TAFA4: variants seen among roughly 807,000 people sequenced by gnomAD.
TAFA4 encodes TAFA chemokine like family member 4, also known as chemokine-like protein TAFA-4.
In TAFA4, 20 loss-of-function variants were observed where a neutral mutation model predicts 21.1. The ratio of observed to expected loss-of-function variants is 0.95; its 90% CI spans 0.67 to 1.38. The LOEUF is 1.38. TAFA4 is among the 40% of genes most tolerant of loss of function. The pLI, the probability that TAFA4 is intolerant of heterozygous loss-of-function variation, is 0.00. For synonymous variants in TAFA4, 71 were observed against 67.4 expected (o/e 1.05, Z -0.26); for missense variants, 211 against 180.9 (o/e 1.17, Z -0.95).
chr3:68,739,464 C>G (rs921085860), intron 4 of TAFA4, among the ~76,000 whole-genome samples: 5 of 152,114 alleles, frequency 3.3e-5, no homozygotes, highest in Non-Finnish European at 5.9e-5. Context: ...TTAGTACAAC[C>G]TCTATGGAAA....
chr3:68,904,744 G>T (rs2089881900), intron 1 of TAFA4, among the ~76,000 whole-genome samples: 1 of 152,210 alleles, frequency 6.6e-6, no homozygotes, highest in South Asian at 2.1e-4. Flanking sequence ...AGGACAGGAG[G>T]TGAGGCCATT....
intron 3 of TAFA4, among the ~76,000 whole-genome samples, chr3:68,865,225 G>T (rs554906362): frequency 1.7e-4 from 26 of 152,038 alleles, no homozygotes; most frequent in African/African-American, 5.8e-4. Flanking sequence ...CAAATATTCA[G>T]CACTCAGATT....
At chr3:68,800,814 G>A (rs534716341) in intron 3 of TAFA4, among the ~76,000 whole-genome samples, 70 of 152,290 alleles carry the variant, frequency 4.6e-4, no homozygotes, top group Non-Finnish European at 7.4e-4. Flanking sequence ...AATAAGAACC[G>A]AAGCACTTGA....
intron 3 of TAFA4, among the ~76,000 whole-genome samples, chr3:68,856,775 G>A (rs571563679): frequency 3.3e-4 from 50 of 152,146 alleles, no homozygotes; most frequent in Non-Finnish European, 6.3e-4. Context: ...TCAGGGACAT[G>A]CAGGTAGGAA....
At chr3:68,849,240 A>G (rs1704884350) in intron 3 of TAFA4, among the ~76,000 whole-genome samples, 1 of 152,192 alleles carries the variant, frequency 6.6e-6, no homozygotes, top group Non-Finnish European at 1.5e-5. Flanking sequence ...AGATCGACAC[A>G]AATTCTTCTA....
intron 1 of TAFA4, among the ~76,000 whole-genome samples, chr3:68,895,725 CCAG>C (rs1462938995): frequency 6.6e-6 from 1 of 152,094 alleles, no homozygotes; most frequent in African/African-American, 2.4e-5. Flanking sequence ...ACTCTCTGTG[CCAG>C]AGCCTGTGCT....
chr3:68,931,521 C>A (rs573510389), intron 1 of TAFA4, among the ~76,000 whole-genome samples: 4 of 152,142 alleles, frequency 2.6e-5, no homozygotes, highest in Non-Finnish European at 5.9e-5. Flanking sequence ...GAGCTCCTTG[C>A]GTAGGGTCAA....
intron 3 of TAFA4, among the ~76,000 whole-genome samples, chr3:68,838,073 C>T (rs982894399): frequency 2.0e-5 from 3 of 152,042 alleles, no homozygotes; most frequent in African/African-American, 7.2e-5. Flanking sequence ...TTATTAATAA[C>T]TATAGTCACT....
At chr3:68,861,939 C>T (rs2089351088) in intron 3 of TAFA4, among the ~76,000 whole-genome samples, 1 of 152,058 alleles carries the variant, frequency 6.6e-6, no homozygotes, top group Admixed American at 6.5e-5. Context: ...ATCCCCACAT[C>T]ATTCACGTGC....
intron 3 of TAFA4, among the ~76,000 whole-genome samples, chr3:68,764,484 GA>G (rs1357151323): frequency 1.3e-5 from 2 of 152,150 alleles, no homozygotes; most frequent in African/African-American, 4.8e-5. Context: ...TTCATAGGCT[GA>G]AAAAAGGTGA....
At chr3:68,880,240 TTTTC>T (rs2089600317) in intron 3 of TAFA4, among the ~76,000 whole-genome samples, 2 of 152,200 alleles carry the variant, frequency 1.3e-5, no homozygotes. Flanking sequence ...GCTTTTTCTC[TTTTC>T]TTTTTTTAAA....
rs763893424 is a variant in TAFA4, at chr3:68,904,530, G to A, written c.-122-19220C>T. ...CCCAATTTATATTGCAAGTGTCTAC[G>A]CAGGCTATGACAAAGGACAGGCAAC... On this transcript the variant is annotated intron_variant, in intron 1 of 5. Transcript: ENST00000295569. Among the ~76,000 whole-genome samples, 80 of 152,192 alleles carry A rather than the reference G, an allele frequency of 5.3e-4. 1 individual carries two copies. The highest frequency in any genetic ancestry group is 6.2e-4 in the South Asian group (3 of 4,830).
At chr3:68,751,976 A>G (rs1702562751) in intron 4 of TAFA4, among the ~76,000 whole-genome samples, 1 of 152,118 alleles carries the variant, frequency 6.6e-6, no homozygotes, top group Non-Finnish European at 1.5e-5. Context: ...GATGTATACC[A>G]CTGTAACCAC....
At position 68,903,876 on chromosome 3, in the gene TAFA4, T is replaced by C. The variant is rs539742849; in HGVS notation, c.-122-18566A>G. On this transcript the variant is annotated intron_variant, in intron 1 of 5. Transcript: ENST00000295569. Reference sequence around the variant, plus strand: ...CCTCAGAGGTGACAAAACTATACCTTTGATGCGCAATATCACAGCTGCCTC... The same window carrying C: ...CCTCAGAGGTGACAAAACTATACCTCTGATGCGCAATATCACAGCTGCCTC... Among the ~76,000 whole-genome samples, 5 of 152,238 alleles carry C rather than the reference T, an allele frequency of 3.3e-5. No individual in the cohort carries two copies. In the South Asian group the frequency reaches 8.3e-4, roughly 25 times the overall value.
At chr3:68,808,505 C>G (rs549508604) in intron 3 of TAFA4, among the ~76,000 whole-genome samples, 1 of 152,324 alleles carries the variant, frequency 6.6e-6, no homozygotes, top group East Asian at 1.9e-4. Flanking sequence ...CTTAAACCCT[C>G]TGAATGAGCC....
At chr3:68,815,479 C>T (rs1366650414) in intron 3 of TAFA4, among the ~76,000 whole-genome samples, 3 of 152,132 alleles carry the variant, frequency 2.0e-5, no homozygotes, top group African/African-American at 7.2e-5. Context: ...AAAAAACAAA[C>T]AACCCCATCA....
intron 3 of TAFA4, among the ~76,000 whole-genome samples, chr3:68,761,514 C>A (rs901491273): frequency 6.6e-6 from 1 of 152,078 alleles, no homozygotes; most frequent in African/African-American, 2.4e-5. Context: ...AGGGGAAATG[C>A]CCTTGTGACT....
At chr3:68,909,085 C>G (rs1237553979) in intron 1 of TAFA4, among the ~76,000 whole-genome samples, 1 of 152,126 alleles carries the variant, frequency 6.6e-6, no homozygotes, top group Non-Finnish European at 1.5e-5. Context: ...ATTTATGTAT[C>G]TGCTTGTAGC....
At chr3:68,796,730 A>G (rs2106820733) in intron 3 of TAFA4, among the ~76,000 whole-genome samples, 1 of 152,338 alleles carries the variant, frequency 6.6e-6, no homozygotes, top group East Asian at 1.9e-4. Context: ...TTTGCAAATC[A>G]TGTCTCTGAT....
Sources: allele counts gnomAD v4.1 joint callset (sites outside exome capture counted in the v4.1 genomes callset), GRCh38; gene constraint gnomAD v4.1.1; transcripts MANE v1.5; gene names NCBI Gene and HGNC (gene_info 2026-07-23, HGNC 2026-07-21).